TMEM163: variants seen among roughly 807,000 people sequenced by gnomAD.
TMEM163 encodes the protein transmembrane protein 163.
In TMEM163, 17 loss-of-function variants were observed where a neutral mutation model predicts 29.3. That is an observed-to-expected ratio of 0.58 (90% CI 0.40 to 0.87). The LOEUF (loss-of-function observed/expected upper bound fraction) is 0.87, where lower values mean the gene tolerates loss of function less well. TMEM163 is among the 40% of genes least tolerant of loss of function. The pLI is 0.00. For synonymous variants in TMEM163, 157 were observed against 160.6 expected (o/e 0.98, Z 0.17); for missense variants, 303 against 381.5 (o/e 0.79, Z 1.71).
At chr2:134,683,405 G>A (rs1169508813) in intron 2 of TMEM163, among the ~76,000 whole-genome samples, 2 of 148,936 alleles carry the variant, frequency 1.3e-5, no homozygotes, top group African/African-American at 5.0e-5. Context: ...ACCTAAAACT[G>A]CTCTAAAAAA....
chr2:134,536,660 G>A (rs1343410608), intron 4 of TMEM163, among the ~76,000 whole-genome samples: 1 of 152,072 alleles, frequency 6.6e-6, no homozygotes, highest in African/African-American at 2.4e-5. Context: ...ATTGTTCTAA[G>A]GATTAAATGA....
intron 2 of TMEM163, among the ~76,000 whole-genome samples, chr2:134,615,743 A>G (rs1682596890): frequency 7.5e-6 from 1 of 133,596 alleles, no homozygotes; most frequent in African/African-American, 2.9e-5. Context: ...TGCAACCTCC[A>G]CTTCCTGTGT....
chr2:134,483,869 C>G (rs1439486442), intron 5 of TMEM163, among the ~76,000 whole-genome samples: 1 of 152,216 alleles, frequency 6.6e-6, no homozygotes, highest in Admixed American at 6.5e-5. Context: ...TTGGGCCAGG[C>G]ACAGTGGCTC....
At chr2:134,511,529 G>A (rs1374521516) in intron 4 of TMEM163, among the ~76,000 whole-genome samples, 1 of 152,204 alleles carries the variant, frequency 6.6e-6, no homozygotes, top group Non-Finnish European at 1.5e-5. Flanking sequence ...GGTGGAAGCG[G>A]GGAGACCAGG....
At chr2:134,623,456 C>T (rs1682782947) in intron 2 of TMEM163, among the ~76,000 whole-genome samples, 1 of 152,154 alleles carries the variant, frequency 6.6e-6, no homozygotes, top group Admixed American at 6.5e-5. Flanking sequence ...AATGTCCAAA[C>T]CACCCTACTT....
At chr2:134,512,732 G>A (rs540465909) in intron 4 of TMEM163, among the ~76,000 whole-genome samples, 1 of 152,336 alleles carries the variant, frequency 6.6e-6, no homozygotes, top group East Asian at 1.9e-4. Flanking sequence ...AGGGAGAATG[G>A]TGAAGGCAGA....
chr2:134,715,944 A>G (rs1170507777), intron 1 of TMEM163, among the ~76,000 whole-genome samples: 1 of 152,216 alleles, frequency 6.6e-6, no homozygotes, highest in Non-Finnish European at 1.5e-5. Context: ...CTAATGAGAG[A>G]CTGATCCTTT....
chr2:134,705,123 T>C (rs543266251), intron 2 of TMEM163, among the ~76,000 whole-genome samples: 2 of 151,266 alleles, frequency 1.3e-5, no homozygotes, highest in South Asian at 2.1e-4. Flanking sequence ...GGCAGGAGAA[T>C]CACTTGAACC....
At chr2:134,620,980 G>A (rs544897881) in intron 2 of TMEM163, among the ~76,000 whole-genome samples, 6 of 152,124 alleles carry the variant, frequency 3.9e-5, no homozygotes, top group Middle Eastern at 3.4e-3. Context: ...GTTGATAACC[G>A]AATATAGTCA....
chr2:134,477,482 T>C (rs530838744), intron 5 of TMEM163, among the ~76,000 whole-genome samples: 1 of 152,178 alleles, frequency 6.6e-6, no homozygotes, highest in African/African-American at 2.4e-5. Context: ...TTCATGAGAG[T>C]GTTTAGTATG....
intron 4 of TMEM163, among the ~76,000 whole-genome samples, chr2:134,544,437 T>C (rs1680737362): frequency 6.6e-6 from 1 of 152,218 alleles, no homozygotes. Flanking sequence ...TGAAGAGACA[T>C]TGTCCAATAC....
At chr2:134,628,733 C>A (rs2104830358) in intron 2 of TMEM163, among the ~76,000 whole-genome samples, 1 of 152,326 alleles carries the variant, frequency 6.6e-6, no homozygotes, top group South Asian at 2.1e-4. Context: ...CTTGACCTCA[C>A]CCCATGTGCC....
At chr2:134,596,418 GT>G (rs1682084937) in intron 2 of TMEM163, among the ~76,000 whole-genome samples, 1 of 152,154 alleles carries the variant, frequency 6.6e-6, no homozygotes, top group South Asian at 2.1e-4. Flanking sequence ...AGATCAGATA[GT>G]TGTAGATGTG....
At chr2:134,506,311 C>T (rs1445701137) in intron 4 of TMEM163, among the ~76,000 whole-genome samples, 2 of 152,138 alleles carry the variant, frequency 1.3e-5, no homozygotes, top group African/African-American at 4.8e-5. Flanking sequence ...CTCCAACAGC[C>T]CAAAGCAGCT....
At chr2:134,626,987 C>T (rs150432127) in intron 2 of TMEM163, among the ~76,000 whole-genome samples, 2 of 152,270 alleles carry the variant, frequency 1.3e-5, no homozygotes, top group African/African-American at 2.4e-5. Flanking sequence ...TCGCCAGCAG[C>T]GTTTAAGAGA....
chr2:134,614,854 T>TAA (rs567150152), intron 2 of TMEM163, among the ~76,000 whole-genome samples: 3 of 139,616 alleles, frequency 2.1e-5, no homozygotes, highest in African/African-American at 7.8e-5. Flanking sequence ...AGACTTCATC[T>TAA]AAAAAAAAAA....
At chr2:134,559,168 G>T (rs985083850) in intron 2 of TMEM163, among the ~76,000 whole-genome samples, 1 of 152,078 alleles carries the variant, frequency 6.6e-6, no homozygotes, top group South Asian at 2.1e-4. Flanking sequence ...GTTCAGATGA[G>T]GCATGTGCTC....
chr2:134,655,744 G>C (rs1297133921), intron 2 of TMEM163, among the ~76,000 whole-genome samples: 1 of 142,178 alleles, frequency 7.0e-6, no homozygotes, highest in Non-Finnish European at 1.5e-5. Context: ...TGTCCTTTCT[G>C]TTTGTTAGTT....
chr2:134,713,233 T>C lies in TMEM163; in HGVS notation c.289A>G (p.Ile97Val). The change falls in exon 2 of 8, where the codon ATT (isoleucine) becomes GTT (valine). Residue 97 changes from isoleucine to valine, a missense_variant. Physicochemically the swap from Ile to Val is conservative, Grantham distance 29. Coordinates refer to ENST00000281924, the MANE Select transcript of TMEM163 (RefSeq NM_030923.5). ...KALWVSWFSIIVTLALAVAAF... is the reference protein window; with the variant it reads ...KALWVSWFSIVVTLALAVAAF... ...GCCACCGCGAGGGCCAGGGTGACAATGATGGAGAACCAGGACACCCACAAT... is the reference window on the plus strand; with the variant it reads ...GCCACCGCGAGGGCCAGGGTGACAACGATGGAGAACCAGGACACCCACAAT... 6.2e-7 allele frequency: 1 copy of C among 1,614,038 alleles called. No individual in the cohort carries two copies. The highest frequency in any genetic ancestry group is 1.1e-5 in the South Asian group (1 of 91,064).
Sources: gnomAD v4.1 joint callset for allele counts (sites outside exome capture counted in the v4.1 genomes callset) on GRCh38, gnomAD v4.1.1 for gene constraint, MANE v1.5 for transcripts, NCBI Gene and HGNC (gene_info 2026-07-23, HGNC 2026-07-21) for gene names.